The following STAT1 variants were observed in gnomAD, a reference collection of about 807,000 sequenced individuals.
STAT1 encodes the protein signal transducer and activator of transcription 1-alpha/beta.
STAT1 carries 24 observed loss-of-function variants against 111.7 expected under a neutral mutation model. That is an observed-to-expected ratio of 0.21 (90% CI 0.16 to 0.30). The LOEUF (loss-of-function observed/expected upper bound fraction) is 0.30, where lower values mean the gene tolerates loss of function less well. STAT1 is among the 10% of genes least tolerant of loss of function. The pLI, the probability that STAT1 is intolerant of heterozygous loss-of-function variation, is 1.00. For missense variants in STAT1, 351 were observed against 911.9 expected (o/e 0.38, Z 7.92); for synonymous variants, 332 against 326.5 (o/e 1.02, Z -0.18).
In STAT1 at chr2:190,980,606, C is replaced by T. The variant is rs2125012875; in HGVS notation, c.1632+14G>A. ...AAAAGGACTTAGAGAGCATAAAACC[C>T]AGACAGTCCTCACCTTACAAAACCT... On this transcript the variant is annotated intron_variant, in intron 19 of 24. Coordinates refer to ENST00000361099, the MANE Select transcript of STAT1 (RefSeq NM_007315.4). This position sits in a 1 kb window ranked among gnomAD's most constrained non-coding sequence, Gnocchi z 6.1. 1 of 1,614,094 alleles carries T rather than the reference C, an allele frequency of 6.2e-7. No homozygotes were observed. Among genetic ancestry groups the T allele is most frequent in the East Asian group, 2.2e-5 (1 of 44,872 alleles).
chr2:191,001,125 G>T lies in STAT1; in HGVS notation c.411C>A (p.Asp137Glu), dbSNP rs535073025. 6.2e-7 allele frequency: 1 copy of T among 1,614,034 alleles called. No individual in the cohort carries two copies. Among genetic ancestry groups the T allele is most frequent in the African/African-American group, 1.3e-5 (1 of 74,980 alleles). ...SGNIQSTVML[D>E]KQKELDSKVR... ...CTTTACTGTCAAGCTCTTTCTGTTTGTCTAACATCACTGTGCTCTGAATAT... is the reference window on the plus strand; with the variant it reads ...CTTTACTGTCAAGCTCTTTCTGTTTTTCTAACATCACTGTGCTCTGAATAT... The change falls in exon 6 of 25, where the codon GAC becomes GAA. Residue 137 changes from aspartate to glutamate, a missense_variant. By Grantham distance (45) the Asp-to-Glu change is conservative. Transcript: ENST00000361099.
In STAT1 at chr2:190,989,752, CG is replaced by C; in HGVS notation, c.1038-79del. 1 of 1,074,722 alleles carries C rather than the reference CG, an allele frequency of 9.3e-7. No homozygotes were observed. The highest frequency in any genetic ancestry group is 1.4e-5 in the South Asian group (1 of 70,792). The allele number at this position is 1,074,722 out of a possible 1,614,324, so 66.6% of individuals were successfully genotyped here. ...ATTTATTATGCCAATTCCCTATTAACGTTTAGATAAACTACTCCCCCTCCAG... is the reference window on the plus strand; with the variant it reads ...ATTTATTATGCCAATTCCCTATTAACTTTAGATAAACTACTCCCCCTCCAG... On this transcript the variant is annotated intron_variant, in intron 11 of 24. Transcript: ENST00000361099. This position sits in a 1 kb window ranked among gnomAD's most constrained non-coding sequence, Gnocchi z 5.0.
At position 190,999,740 on chromosome 2, in the gene STAT1, C is replaced by G. The variant is rs779934622; in HGVS notation, c.463-36G>C. On this transcript the variant is annotated intron_variant, in intron 6 of 24. Coordinates refer to ENST00000361099, the MANE Select transcript of STAT1 (RefSeq NM_007315.4). The surrounding 1 kb of genome is among the most constrained non-coding windows in gnomAD (Gnocchi z 4.1). Reference sequence around the variant, plus strand: ...AGATGTAAACATGTTTTCTACTGATCAGCAACTTCCAAAGACTTTAGGCAA... The same window carrying G: ...AGATGTAAACATGTTTTCTACTGATGAGCAACTTCCAAAGACTTTAGGCAA... The G allele has an allele frequency of 2.0e-6, 3 of 1,479,512 alleles. No homozygotes were observed. The highest frequency in any genetic ancestry group is 2.8e-6 in the Non-Finnish European group (3 of 1,059,184). 91.6% of individuals were successfully genotyped at this position (1,479,512 alleles called of 1,614,324 possible).
rs1341629221 is a variant in STAT1 at position 191,003,373 on chromosome 2, G to A, written c.373-2210C>T. ...CTGCCTGTGCAGGGAAATCTTTGCT[G>A]TTGTCTAATTCTGACATGGTTTGGA... On this transcript the variant is annotated intron_variant, in intron 5 of 24. Coordinates refer to ENST00000361099, the MANE Select transcript of STAT1 (RefSeq NM_007315.4). This position sits in a 1 kb window ranked among gnomAD's most constrained non-coding sequence, Gnocchi z 4.0. 1.3e-5 allele frequency among the ~76,000 whole-genome samples: 2 copies of A among 152,220 alleles called. No homozygotes were observed. The highest frequency in any genetic ancestry group is 6.5e-5 in the Admixed American group (1 of 15,288).
chr2:191,009,352 A>C (rs576029880), intron 3 of STAT1, among the ~76,000 whole-genome samples: 1 of 152,226 alleles, frequency 6.6e-6, no homozygotes, highest in Non-Finnish European at 1.5e-5. Flanking sequence ...CATGGTGACT[A>C]TCTCTGAAGG....
chr2:190,987,020 C>A lies in STAT1; in HGVS notation c.1127+19G>T, dbSNP rs368077093. 5.7e-4 allele frequency: 917 copies of A among 1,611,162 alleles called. No homozygotes were observed. Among genetic ancestry groups the A allele is most frequent in the Non-Finnish European group, 7.2e-4 (853 of 1,177,622 alleles). On this transcript the variant is annotated intron_variant, in intron 13 of 24. Coordinates refer to ENST00000361099, the MANE Select transcript of STAT1 (RefSeq NM_007315.4). The surrounding 1 kb of genome is among the most constrained non-coding windows in gnomAD (Gnocchi z 4.0). ...TAAATAAAAATATAGCACAGTATAG[C>A]GTAAAGTACGTCACGTACCCTTTTA... is the stretch of plus-strand genomic sequence containing the variant.
chr2:190,996,952 G>C lies in STAT1; in HGVS notation c.785+904C>G, dbSNP rs935042318. Among the ~76,000 whole-genome samples the C allele has an allele frequency of 2.6e-5, 4 of 152,168 alleles. No individual in the cohort carries two copies. The highest frequency in any genetic ancestry group is 9.7e-5 in the African/African-American group (4 of 41,430). ...AGTGCCCTTTCTAAATCAAAGATCA[G>C]AGAAATACATCTCCTGCTTAAGAAA... On this transcript the variant is annotated intron_variant, in intron 9 of 24. Transcript: ENST00000361099. The surrounding 1 kb of genome is among the most constrained non-coding windows in gnomAD (Gnocchi z 4.5).
At position 190,993,644 on chromosome 2, in the gene STAT1, A is replaced by G; in HGVS notation, c.944+1417T>C. 1.8e-6 allele frequency: 1 copy of G among 545,234 alleles called. No individual in the cohort carries two copies. Among genetic ancestry groups the G allele is most frequent in the Non-Finnish European group, 3.6e-6 (1 of 279,428 alleles). The allele number at this position is 545,234 out of a possible 1,614,324, so 33.8% of individuals were successfully genotyped here. A position where few individuals can be genotyped will look rare whatever the true frequency, so the allele number is the denominator to read the frequency against. The stretch of plus-strand genomic sequence containing the variant: ...GCCCTGACTCTCTGCACCACGGGTA[A>G]CTGAAGGAAAGGAATGAGATAGGCT... On this transcript the variant is annotated intron_variant, in intron 10 of 24. Transcript: ENST00000361099. The surrounding 1 kb of genome is among the most constrained non-coding windows in gnomAD (Gnocchi z 4.1).
chr2:190,976,017 T>C lies in STAT1; in HGVS notation c.2060-130A>G. The C allele has an allele frequency of 1.3e-6, 1 of 795,408 alleles. No individual in the cohort carries two copies. Among genetic ancestry groups the C allele is most frequent in the Admixed American group, 2.1e-5 (1 of 48,742 alleles). 49.3% of individuals were successfully genotyped at this position (795,408 alleles called of 1,614,324 possible). ...TTAGCCTCCTAAAACTTTAAGGAGC[T>C]ATAACCTCCCTGCCTGAGTCACCTA... On this transcript the variant is annotated intron_variant, in intron 22 of 24. Coordinates refer to ENST00000361099, the MANE Select transcript of STAT1 (RefSeq NM_007315.4). This position sits in a 1 kb window ranked among gnomAD's most constrained non-coding sequence, Gnocchi z 6.0.
In STAT1 at chr2:190,989,352, A is replaced by AT. The variant is rs1693133138; in HGVS notation, c.1097+262_1097+263insA. The stretch of plus-strand genomic sequence containing the variant: ...ATACCAGCTCCAGGGGAAGCTCCCA[A>AT]CATCCACCAAGGGAGCTGCTGATTT... On this transcript the variant is annotated intron_variant, in intron 12 of 24. Transcript: ENST00000361099. This position sits in a 1 kb window ranked among gnomAD's most constrained non-coding sequence, Gnocchi z 5.0. Among the ~76,000 whole-genome samples, 1 of 152,216 alleles carries AT rather than the reference A, an allele frequency of 6.6e-6. No homozygotes were observed. Among genetic ancestry groups the AT allele is most frequent in the Non-Finnish European group, 1.5e-5 (1 of 68,034 alleles).
chr2:191,007,920 A>G lies in STAT1; in HGVS notation c.274-259T>C. 1.8e-6 allele frequency: 1 copy of G among 544,722 alleles called. No individual in the cohort carries two copies. The highest frequency in any genetic ancestry group is 4.7e-4 in the Middle Eastern group (1 of 2,116). The allele number at this position is 544,722 out of a possible 1,614,324, so 33.7% of individuals were successfully genotyped here. A position where few individuals can be genotyped will look rare whatever the true frequency, so the allele number is the denominator to read the frequency against. ...AGTATTTTCACATATGGTTCACATA[A>G]TATTTTTACTTTAATATCTTTCCAT... On this transcript the variant is annotated intron_variant, in intron 4 of 24. Coordinates refer to ENST00000361099, the MANE Select transcript of STAT1 (RefSeq NM_007315.4). The surrounding 1 kb of genome is among the most constrained non-coding windows in gnomAD (Gnocchi z 4.2).
At position 190,989,122 on chromosome 2, in the gene STAT1, A is replaced by G. The variant is rs1693108382; in HGVS notation, c.1097+493T>C. Among the ~76,000 whole-genome samples the G allele has an allele frequency of 6.6e-6, 1 of 152,048 alleles. No homozygotes were observed. The highest frequency in any genetic ancestry group is 1.5e-5 in the Non-Finnish European group (1 of 67,998). Reference sequence around the variant, plus strand: ...ATGCTGCTGACCTCGCTCCAGAAAAAAACCCCCAAATGACCACAGAATCAT... The same window carrying G: ...ATGCTGCTGACCTCGCTCCAGAAAAGAACCCCCAAATGACCACAGAATCAT... On this transcript the variant is annotated intron_variant, in intron 12 of 24. Transcript: ENST00000361099. This position sits in a 1 kb window ranked among gnomAD's most constrained non-coding sequence, Gnocchi z 5.0.
At chr2:191,005,525 A>G (rs1242914640) in intron 5 of STAT1, among the ~76,000 whole-genome samples, 1 of 152,232 alleles carries the variant, frequency 6.6e-6, no homozygotes, top group Non-Finnish European at 1.5e-5. Flanking sequence ...CATAGCGTTC[A>G]GTACAACTTC....
chr2:190,970,815 T>G lies in STAT1; in HGVS notation c.2239-98A>C. ...GCTTGTCTATTCTAGAATGAAGTAG[T>G]AGGAAGATACTTGCAATGGCAAATA... On this transcript the variant is annotated intron_variant, in intron 24 of 24. Transcript: ENST00000361099. The surrounding 1 kb of genome is among the most constrained non-coding windows in gnomAD (Gnocchi z 5.4). 1 of 1,199,862 alleles carries G rather than the reference T, an allele frequency of 8.3e-7. No individual in the cohort carries two copies. Among genetic ancestry groups the G allele is most frequent in the Non-Finnish European group, 1.2e-6 (1 of 811,268 alleles). 74.3% of individuals were successfully genotyped at this position (1,199,862 alleles called of 1,614,324 possible).
rs182094949 is a variant in STAT1 at position 190,987,085 on chromosome 2, T to C, written c.1098-17A>G. The stretch of plus-strand genomic sequence containing the variant: ...TTCACATCTCTGCAAAAAAAATATA[T>C]ATAATCACATATGCGTATTTAAAAT... On this transcript the variant is annotated splice_polypyrimidine_tract_variant and intron_variant, in intron 12 of 24. Transcript: ENST00000361099. This position sits in a 1 kb window ranked among gnomAD's most constrained non-coding sequence, Gnocchi z 4.0. 2.5e-4 allele frequency: 391 copies of C among 1,570,448 alleles called. No homozygotes were observed. In the African/African-American group the frequency reaches 4.6e-3, roughly 19 times the overall value.
rs537771035 is a variant in STAT1, at chr2:190,999,186, G to A, written c.541+440C>T. 2.0e-5 allele frequency among the ~76,000 whole-genome samples: 3 copies of A among 152,310 alleles called. 1 individual carries two copies. The highest frequency in any genetic ancestry group is 2.1e-4 in the South Asian group (1 of 4,822). ...TACACGTGGCCCTGCAACGTTTGAA[G>A]AAACCTGAGATATTAGGGCAGGGGA... On this transcript the variant is annotated intron_variant, in intron 7 of 24. Coordinates refer to ENST00000361099, the MANE Select transcript of STAT1 (RefSeq NM_007315.4). The surrounding 1 kb of genome is among the most constrained non-coding windows in gnomAD (Gnocchi z 4.1).
chr2:191,010,084 G>A (rs929351744), intron 2 of STAT1, 80 bp from the exon 3 acceptor site: 6 of 1,520,020 alleles, frequency 3.9e-6, no homozygotes, highest in Non-Finnish European at 5.4e-6. Flanking sequence ...GCATCAGGTT[G>A]TACTCTTAAA....
At chr2:190,991,726 C>T (rs1044914528) in intron 10 of STAT1, among the ~76,000 whole-genome samples, 6 of 150,794 alleles carry the variant, frequency 4.0e-5, no homozygotes, top group Admixed American at 1.3e-4. Flanking sequence ...ATTAGCCAGG[C>T]GTGGCTAATT....
Position 190,988,177 on chromosome 2 carries a change from T to C in STAT1, c.1098-1109A>G, listed in dbSNP as rs182950727. 2.6e-3 allele frequency among the ~76,000 whole-genome samples: 398 copies of C among 152,316 alleles called. 2 individuals are homozygous for C. Among genetic ancestry groups the C allele is most frequent in the Non-Finnish European group, 3.4e-3 (233 of 68,012 alleles). On this transcript the variant is annotated intron_variant, in intron 12 of 24. Coordinates refer to ENST00000361099, the MANE Select transcript of STAT1 (RefSeq NM_007315.4). ...GCTAGCACTCACAGGCCTTGTTCAC[T>C]TGGAACACTGTCACCATGGGAAAAG...
Sources: allele counts gnomAD v4.1 joint callset (sites outside exome capture counted in the v4.1 genomes callset), GRCh38; gene constraint gnomAD v4.1.1; non-coding constraint Gnocchi (gnomAD v3.1); transcripts MANE v1.5; gene names NCBI Gene and HGNC (gene_info 2026-07-23, HGNC 2026-07-21).